MRPS5: variants seen among roughly 807,000 people sequenced by gnomAD.
MRPS5 encodes mitochondrial ribosomal protein S5, also known as small ribosomal subunit protein uS5m.
In MRPS5, 27 loss-of-function variants were observed where a neutral mutation model predicts 51.9. The observed-to-expected ratio is 0.52, with a 90% CI of 0.38 to 0.72. The LOEUF (loss-of-function observed/expected upper bound fraction) is 0.72. MRPS5 is among the 30% of genes least tolerant of loss of function. The probability of loss-of-function intolerance (pLI) is 0.00; values close to 1 mark genes in which losing one functional copy is unlikely to be tolerated. For missense variants in MRPS5, 570 were observed against 545.7 expected, an observed-to-expected ratio of 1.04 and a Z score of -0.44; for synonymous variants, 196 against 193.2, an observed-to-expected ratio of 1.01 and a Z score of -0.12.
intron 4 of MRPS5, among the ~76,000 whole-genome samples, chr2:95,108,700 A>C (rs1402962378): frequency 3.3e-5 from 5 of 152,218 alleles, no homozygotes; most frequent in Admixed American, 6.5e-5. Flanking sequence ...ATGTCCAGCA[A>C]TTATGGACTG....
intron 7 of MRPS5, chr2:95,101,933 C>T (rs745779641): frequency 9.9e-6 from 5 of 506,928 alleles, no homozygotes; most frequent in Non-Finnish European, 1.7e-5. Context: ...GTGGGAGGAT[C>T]GCTTGAGCCC....
intron 10 of MRPS5, among the ~76,000 whole-genome samples, chr2:95,095,621 A>T (rs1378229649): frequency 2.0e-5 from 3 of 152,194 alleles, no homozygotes; most frequent in African/African-American, 4.8e-5. Context: ...TAAATAACAA[A>T]ATAAAGGCAG....
chr2:95,100,783 CT>C, intron 9 of MRPS5, 53 bp downstream of exon 9: 1 of 1,353,244 alleles, frequency 7.4e-7, no homozygotes, highest in Non-Finnish European at 1.0e-6. Context: ...GTCACACAGA[CT>C]TTAACAAATG....
Position 95,101,702 on chromosome 2 carries a change from G to A in MRPS5, c.785C>T (p.Thr262Ile). 1.9e-6 allele frequency: 3 copies of A among 1,600,758 alleles called. No individual in the cohort carries two copies. In the South Asian group the frequency reaches 3.4e-5, roughly 18 times the overall value. Residue 262 changes from threonine to isoleucine, a missense_variant, in exon 8 of 12, where the codon ACT (threonine) becomes ATT (isoleucine). Coordinates refer to ENST00000272418, the MANE Select transcript of MRPS5 (RefSeq NM_031902.5). ...GAAGFSIGKA[T>I]DRMDAFRKAK... The stretch of plus-strand genomic sequence containing the variant: ...TTTCCTGAAAGCATCCATCCGATCA[G>A]TAGCTTTCCCAATAGAAAAACCTTT...
In MRPS5 at chr2:95,115,134, T is replaced by G. The variant is rs952807815; in HGVS notation, c.209A>C (p.Gln70Pro). Reference protein sequence around the residue: ...YASLSRALQTQCCISSPSHLM... With the variant: ...YASLSRALQTPCCISSPSHLM... ...GTGACTGGGAGAAGAAATACAGCAT[T>G]GTGTCTGCAGTGCACGGCTCAAGCT... is the stretch of plus-strand genomic sequence containing the variant. Residue 70 changes from glutamine to proline, a missense_variant, in exon 3 of 12, where the codon CAA (glutamine) becomes CCA (proline). Physicochemically the swap from Gln to Pro is moderately conservative, Grantham distance 76. Transcript: ENST00000272418. 3.7e-6 allele frequency: 6 copies of G among 1,612,922 alleles called. No homozygotes were observed. The highest frequency in any genetic ancestry group is 4.2e-6 in the Non-Finnish European group (5 of 1,179,728).
chr2:95,116,477 T>G (rs1296397521), intron 2 of MRPS5, among the ~76,000 whole-genome samples: 3 of 152,208 alleles, frequency 2.0e-5, no homozygotes, highest in Non-Finnish European at 4.4e-5. Flanking sequence ...ACTTTAGATT[T>G]GAGAAACAGT....
intron 5 of MRPS5, among the ~76,000 whole-genome samples, chr2:95,106,981 C>T (rs1675969249): frequency 6.6e-6 from 1 of 152,176 alleles, no homozygotes; most frequent in Non-Finnish European, 1.5e-5. Flanking sequence ...TCAAGTCCTC[C>T]CTGCTGCCAG....
Position 95,109,947 on chromosome 2 carries a change from C to A in MRPS5, c.372G>T (p.Lys124Asn). ...CAATGATCTGACCCCTGTTCAGATC[C>A]TTTCTTTTCTTCTTTTTAGTTCTTT... The part of the protein sequence containing the change: ...RGKRTKKKKR[K>N]DLNRGQIIGE... Residue 124 changes from lysine to asparagine, a missense_variant, in exon 4 of 12, where the codon AAG (lysine) becomes AAT (asparagine). Coordinates refer to ENST00000272418, the MANE Select transcript of MRPS5 (RefSeq NM_031902.5). The A allele has an allele frequency of 1.2e-6, 2 of 1,613,612 alleles. No individual in the cohort carries two copies. Among genetic ancestry groups the A allele is most frequent in the Non-Finnish European group, 1.7e-6 (2 of 1,179,946 alleles).
chr2:95,099,151 C>T (rs1245381029), intron 10 of MRPS5, among the ~76,000 whole-genome samples: 1 of 151,412 alleles, frequency 6.6e-6, no homozygotes, highest in East Asian at 1.9e-4. Context: ...ATCTCCGGAC[C>T]TCGTGATCCG....
chr2:95,088,062 T>C (rs1265957773), intron 11 of MRPS5, among the ~76,000 whole-genome samples: 1 of 151,620 alleles, frequency 6.6e-6, no homozygotes, highest in Admixed American at 6.6e-5. Flanking sequence ...GGGGAACCTA[T>C]TTAAAAGGCA....
chr2:95,119,621 A>G (rs928191046), intron 1 of MRPS5, among the ~76,000 whole-genome samples: 6 of 152,012 alleles, frequency 3.9e-5, no homozygotes, highest in African/African-American at 1.4e-4. Flanking sequence ...CGAAAAAAAA[A>G]AAAAAACCCA....
Position 95,100,866 on chromosome 2 carries a change from T to G in MRPS5, c.839A>C (p.His280Pro). Residue 280 changes from histidine (H) to proline (P), a missense_variant, in exon 9 of 12, where the codon CAT becomes CCT. Physicochemically the swap from His to Pro is moderately conservative, Grantham distance 77 (BLOSUM62 -2). Transcript: ENST00000272418. ...ATGGTCTTCATATCGTTCTATATAATGCAAATGGTGAACTGCTCTGTTCTT... is the reference window on the plus strand; with the variant it reads ...ATGGTCTTCATATCGTTCTATATAAGGCAAATGGTGAACTGCTCTGTTCTT... Reference protein sequence around the residue: ...KAKNRAVHHLHYIERYEDHTI... With the variant: ...KAKNRAVHHLPYIERYEDHTI... 6.2e-7 allele frequency: 1 copy of G among 1,609,054 alleles called. No individual in the cohort carries two copies. The highest frequency in any genetic ancestry group is 8.5e-7 in the Non-Finnish European group (1 of 1,178,772).
intron 2 of MRPS5, 131 bp downstream of exon 2, chr2:95,117,734 C>G (rs1452053136): frequency 2.1e-5 from 15 of 720,062 alleles, no homozygotes; most frequent in Admixed American, 1.9e-4. Context: ...GTAAGACTAA[C>G]CAGGCTAAAA....
In MRPS5 at chr2:95,104,744, T is replaced by A. The variant is rs748565553; in HGVS notation, c.673-14A>T. On this transcript the variant is annotated splice_polypyrimidine_tract_variant and intron_variant, in intron 6 of 11. Coordinates refer to ENST00000272418, the MANE Select transcript of MRPS5 (RefSeq NM_031902.5). ...AACGTTTCTTACCTAAAAGGCAAAATGTCTCATAAATATTGCACATTAAGA... is the reference window on the plus strand; with the variant it reads ...AACGTTTCTTACCTAAAAGGCAAAAAGTCTCATAAATATTGCACATTAAGA... 6.2e-7 allele frequency: 1 copy of A among 1,612,598 alleles called. No homozygotes were observed. Among genetic ancestry groups the A allele is most frequent in the East Asian group, 2.2e-5 (1 of 44,862 alleles).
chr2:95,117,753 AAGAAAAGAG>A, intron 2 of MRPS5, 103 bp downstream of exon 2: 15 of 880,490 alleles, frequency 1.7e-5, no homozygotes, highest in Non-Finnish European at 2.6e-5. Context: ...AAAATGAAAA[AAGAAAAGAG>A]AGAAAAGAAA....
intron 11 of MRPS5, among the ~76,000 whole-genome samples, chr2:95,090,049 C>T (rs1380127621): frequency 1.1e-4 from 16 of 150,036 alleles, no homozygotes; most frequent in East Asian, 5.9e-4. Flanking sequence ...TAGTGGCGGG[C>T]GCCTGTAGTC....
chr2:95,115,252 A>G, intron 2 of MRPS5, 49 bp from the exon 3 acceptor site: 1 of 1,427,760 alleles, frequency 7.0e-7, no homozygotes, highest in Non-Finnish European at 9.3e-7. Context: ...ACAGCTGTGG[A>G]AAAACACTGC....
intron 7 of MRPS5, chr2:95,104,401 C>G: frequency 3.8e-6 from 2 of 532,220 alleles, no homozygotes; most frequent in Non-Finnish European, 6.8e-6. Context: ...ATGTCTTCAG[C>G]CTTTTATAAT....
intron 1 of MRPS5, among the ~76,000 whole-genome samples, chr2:95,120,179 C>T (rs11676637): frequency 6.6e-6 from 1 of 152,098 alleles, no homozygotes; most frequent in Non-Finnish European, 1.5e-5. Context: ...CAAAATAGGC[C>T]TAAGAGCCAA....
Sources: gnomAD v4.1 joint callset for allele counts (sites outside exome capture counted in the v4.1 genomes callset) on GRCh38, gnomAD v4.1.1 for gene constraint, MANE v1.5 for transcripts, NCBI Gene and HGNC (gene_info 2026-07-23, HGNC 2026-07-21) for gene names.